The following AMOTL1 variants were observed in gnomAD, a reference collection of about 807,000 sequenced individuals.
The protein encoded by AMOTL1 is angiomotin-like protein 1.
AMOTL1 carries 45 observed loss-of-function variants against 102.9 expected under a neutral mutation model. That is an observed-to-expected ratio of 0.44 (90% CI 0.34 to 0.56). The LOEUF (loss-of-function observed/expected upper bound fraction) is 0.56. Ranked by LOEUF, AMOTL1 falls within the 20% of genes least tolerant of loss-of-function variation. The probability of loss-of-function intolerance (pLI) is 0.01; values close to 1 mark genes in which losing one functional copy is unlikely to be tolerated. For synonymous variants in AMOTL1, 481 were observed against 484.7 expected (o/e 0.99, Z 0.10); for missense variants, 1,114 against 1,225.6 (o/e 0.91, Z 1.36).
At chr11:94,745,470 T>C (rs2135483336) in intron 3 of AMOTL1, among the ~76,000 whole-genome samples, 1 of 152,318 alleles carries the variant, frequency 6.6e-6, no homozygotes. Flanking sequence ...CTATCACCTC[T>C]ATCACTCAGG....
chr11:94,736,968 C>T (rs1274983993), intron 2 of AMOTL1, among the ~76,000 whole-genome samples: 2 of 152,174 alleles, frequency 1.3e-5, no homozygotes, highest in East Asian at 3.8e-4. Flanking sequence ...ATTGTTGGCT[C>T]TATTCTACTT....
chr11:94,840,654 GTA>G (rs551220386), intron 6 of AMOTL1, among the ~76,000 whole-genome samples: 28,070 of 110,810 alleles, frequency 0.25, 3,531 homozygotes, highest in African/African-American at 0.33. Flanking sequence ...CTTAAAAAAC[GTA>G]TATATATATA....
chr11:94,865,458 A>G (rs542073138), intron 10 of AMOTL1, among the ~76,000 whole-genome samples: 11 of 152,326 alleles, frequency 7.2e-5, no homozygotes, highest in African/African-American at 2.6e-4. Flanking sequence ...AGTTACTATC[A>G]AAGTTGTGAA....
At chr11:94,805,365 C>A (rs1338349832) in intron 3 of AMOTL1, among the ~76,000 whole-genome samples, 4 of 152,144 alleles carry the variant, frequency 2.6e-5, no homozygotes, top group African/African-American at 9.7e-5. Flanking sequence ...GGGCTGACAG[C>A]TGTGGGTGTG....
intron 6 of AMOTL1, among the ~76,000 whole-genome samples, chr11:94,835,133 C>G (rs1187919077): frequency 6.6e-6 from 1 of 152,156 alleles, no homozygotes; most frequent in Admixed American, 6.5e-5. Context: ...TGGAGGAATT[C>G]AGCTTTTTGT....
chr11:94,846,401 A>G (rs1952411865), intron 6 of AMOTL1, among the ~76,000 whole-genome samples: 1 of 152,238 alleles, frequency 6.6e-6, no homozygotes, highest in South Asian at 2.1e-4. Context: ...GGAACTTACT[A>G]TATGCCTTTT....
intron 2 of AMOTL1, among the ~76,000 whole-genome samples, chr11:94,733,609 G>T (rs1335261143): frequency 6.6e-6 from 1 of 152,210 alleles, no homozygotes; most frequent in Non-Finnish European, 1.5e-5. Context: ...TCCCCCTCAG[G>T]CCTCTGCCTT....
intron 2 of AMOTL1, among the ~76,000 whole-genome samples, chr11:94,738,149 G>A (rs563910312): frequency 3.0e-4 from 46 of 152,296 alleles, no homozygotes; most frequent in Admixed American, 7.9e-4. Flanking sequence ...CAACAAGAGA[G>A]CGGGAGAGTA....
rs1240385217 is a variant in AMOTL1 at position 94,876,556 on chromosome 11, C to A, written c.*5761C>A. 2 of 152,648 alleles carry A rather than the reference C, an allele frequency of 1.3e-5. No homozygotes were observed. Among genetic ancestry groups the A allele is most frequent in the Non-Finnish European group, 2.9e-5 (2 of 68,048 alleles). 9.5% of individuals were successfully genotyped at this position (152,648 alleles called of 1,614,324 possible). ...CAGTGTGGGGATTCCAAGAACACTG[C>A]CTGTCCCCCACAGCAAATATTGATG... On this transcript the variant is annotated 3_prime_UTR_variant, in exon 13 of 13. Transcript: ENST00000433060.
intron 1 of AMOTL1, among the ~76,000 whole-genome samples, chr11:94,790,754 T>A (rs1951270334): frequency 6.6e-6 from 1 of 152,144 alleles, no homozygotes; most frequent in South Asian, 2.1e-4. Flanking sequence ...TATTGTATGA[T>A]AGCGGAATGA....
intron 3 of AMOTL1, among the ~76,000 whole-genome samples, chr11:94,762,593 G>A (rs1950807082): frequency 6.6e-6 from 1 of 152,188 alleles, no homozygotes; most frequent in Admixed American, 6.5e-5. Flanking sequence ...CGTAGTAGTA[G>A]TAGCAAATAA....
chr11:94,784,788 T>C (rs1381217422), intron 1 of AMOTL1, among the ~76,000 whole-genome samples: 1 of 152,130 alleles, frequency 6.6e-6, no homozygotes, highest in Non-Finnish European at 1.5e-5. Flanking sequence ...GCATTCAAAT[T>C]GTCTGTAAAA....
Position 94,795,129 on chromosome 11 carries a change from G to A in AMOTL1, c.168G>A (p.Val56=). ...GGCATGAAACATCTGCTTTGACGGTGGAGGCAACCAGTAGCATCAGGGAAA... is the reference window on the plus strand; with the variant it reads ...GGCATGAAACATCTGCTTTGACGGTAGAGGCAACCAGTAGCATCAGGGAAA... ...SGRHETSALT[V]EATSSIREKV... Residue 56 remains valine, a synonymous_variant, in exon 2 of 13, where the codon GTG becomes GTA. Coordinates refer to ENST00000433060, the MANE Select transcript of AMOTL1 (RefSeq NM_130847.3). 6.2e-7 allele frequency: 1 copy of A among 1,613,814 alleles called. No homozygotes were observed. The highest frequency in any genetic ancestry group is 8.5e-7 in the Non-Finnish European group (1 of 1,179,808).
At chr11:94,789,545 C>T (rs919233131) in intron 1 of AMOTL1, among the ~76,000 whole-genome samples, 2 of 152,230 alleles carry the variant, frequency 1.3e-5, no homozygotes, top group African/African-American at 4.8e-5. Context: ...GATTGTGAAT[C>T]AGCTAATCCA....
At chr11:94,822,597 T>G (rs992962199) in intron 4 of AMOTL1, among the ~76,000 whole-genome samples, 2 of 152,162 alleles carry the variant, frequency 1.3e-5, no homozygotes, top group African/African-American at 4.8e-5. Flanking sequence ...TACGAGTTAT[T>G]GTGTGCTTTC....
At chr11:94,749,571 T>G (rs1046020187) in intron 3 of AMOTL1, among the ~76,000 whole-genome samples, 2 of 152,230 alleles carry the variant, frequency 1.3e-5, no homozygotes, top group African/African-American at 4.8e-5. Flanking sequence ...CTCCTCATAG[T>G]GACTAGCCCC....
At chr11:94,869,546 G>A in intron 12 of AMOTL1, 73 bp downstream of exon 12, 1 of 1,471,468 alleles carries the variant, frequency 6.8e-7, no homozygotes, top group South Asian at 1.4e-5. Flanking sequence ...CTTTTGTTGA[G>A]CTAGAGAGGA....
chr11:94,781,092 C>T (rs997917057), intron 1 of AMOTL1, among the ~76,000 whole-genome samples: 1 of 152,140 alleles, frequency 6.6e-6, no homozygotes, highest in African/African-American at 2.4e-5. Context: ...CTTTTCTCCT[C>T]ACCTAAAACT....
intron 4 of AMOTL1, among the ~76,000 whole-genome samples, chr11:94,828,137 A>G (rs902614496): frequency 1.3e-5 from 2 of 152,094 alleles, no homozygotes; most frequent in Non-Finnish European, 2.9e-5. Flanking sequence ...TTCTTTCTTT[A>G]GTGAGCTTGT....
Sources: allele counts gnomAD v4.1 joint callset (sites outside exome capture counted in the v4.1 genomes callset), GRCh38; gene constraint gnomAD v4.1.1; transcripts MANE v1.5; gene names NCBI Gene and HGNC (gene_info 2026-07-23, HGNC 2026-07-21).